FOXN2: variants seen among roughly 807,000 people sequenced by gnomAD.
FOXN2 encodes forkhead box protein N2.
FOXN2 carries 19 observed loss-of-function variants against 41.2 expected under a neutral mutation model. That is an observed-to-expected ratio of 0.46 (90% confidence interval 0.32 to 0.68). The LOEUF (loss-of-function observed/expected upper bound fraction) is 0.68. Among genes scored for constraint, FOXN2 ranks in the 30% least tolerant of loss-of-function variants. The pLI is 0.03. For missense variants in FOXN2, 587 were observed against 509.4 expected, an observed-to-expected ratio of 1.15 and a Z score of -1.47; for synonymous variants, 195 against 176.8, an observed-to-expected ratio of 1.10 and a Z score of -0.82.
In FOXN2 at chr2:48,377,651, A is replaced by G. The variant is rs1673334712; in HGVS notation, c.*2208A>G. ...ACTCTTCCCACGAATTTAAATGTTT[A>G]AGTTATATTCATCACTAGCAAGGAT... On this transcript the variant is annotated 3_prime_UTR_variant, in exon 7 of 7. Coordinates refer to ENST00000340553, the MANE Select transcript of FOXN2 (RefSeq NM_002158.4). The G allele has an allele frequency of 6.6e-6, 1 of 152,076 alleles. No individual in the cohort carries two copies. Among genetic ancestry groups the G allele is most frequent in the Non-Finnish European group, 1.5e-5 (1 of 67,926 alleles). The allele number at this position is 152,076 out of a possible 1,614,324, so 9.4% of individuals were successfully genotyped here.
At chr2:48,344,173 G>A (rs896520503) in intron 2 of FOXN2, among the ~76,000 whole-genome samples, 1 of 152,156 alleles carries the variant, frequency 6.6e-6, no homozygotes, top group African/African-American at 2.4e-5. Context: ...CATAGTACAG[G>A]ATATCAGTTC....
At chr2:48,335,904 T>C (rs190709668) in intron 2 of FOXN2, among the ~76,000 whole-genome samples, 35 of 151,888 alleles carry the variant, frequency 2.3e-4, no homozygotes, top group Non-Finnish European at 4.9e-4. Flanking sequence ...GGCAGGCGCC[T>C]ATAGTCCCAG....
chr2:48,347,056 T>G (rs1671151831), intron 3 of FOXN2, among the ~76,000 whole-genome samples: 1 of 152,120 alleles, frequency 6.6e-6, no homozygotes, highest in Non-Finnish European at 1.5e-5. Context: ...TTATTCAATA[T>G]GATAATCTCT....
chr2:48,356,402 C>G (rs551896866), intron 3 of FOXN2, among the ~76,000 whole-genome samples: 69 of 152,192 alleles, frequency 4.5e-4, no homozygotes, highest in African/African-American at 1.6e-3. Context: ...GATCGCGCCA[C>G]TGCACTCCAG....
chr2:48,359,607 C>CTTTTT (rs1021218228), intron 4 of FOXN2, among the ~76,000 whole-genome samples: 1 of 148,988 alleles, frequency 6.7e-6, no homozygotes, highest in African/African-American at 2.5e-5. Context: ...TTTTTCTTTT[C>CTTTTT]TTTTCTTTTC....
Position 48,336,381 on chromosome 2 carries a change from C to T in FOXN2, c.-15+7679C>T, listed in dbSNP as rs1235750328. On this transcript the variant is annotated intron_variant, in intron 2 of 6. Transcript: ENST00000340553. ...TGAGATTGTGCCACTGCACTCCAGC[C>T]TGGGTGACAGAGCAAGCCTCAGTTT... Among the ~76,000 whole-genome samples the T allele has an allele frequency of 4.7e-5, 7 of 147,664 alleles. No homozygotes were observed. The South Asian group carries it at 1.3e-3, about 27-fold the overall frequency.
chr2:48,339,853 A>T (rs543385717), intron 2 of FOXN2, among the ~76,000 whole-genome samples: 1 of 152,360 alleles, frequency 6.6e-6, no homozygotes, highest in African/African-American at 2.4e-5. Flanking sequence ...AGTACTTGTA[A>T]TAGCCCCAAA....
At chr2:48,333,991 A>G (rs2104256846) in intron 2 of FOXN2, among the ~76,000 whole-genome samples, 1 of 152,276 alleles carries the variant, frequency 6.6e-6, no homozygotes, top group South Asian at 2.1e-4. Context: ...TGCAGACCTG[A>G]ATAATCAGGT....
chr2:48,362,690 A>G lies in FOXN2; in HGVS notation c.686A>G (p.Gln229Arg), dbSNP rs1330753296. 3 of 1,613,894 alleles carry G rather than the reference A, an allele frequency of 1.9e-6. No homozygotes were observed. The highest frequency in any genetic ancestry group is 4.5e-5 in the East Asian group (2 of 44,890). ...HYLSSVIKQN[Q>R]VRNLKESDID... ...TTAAGCTCTGTAATCAAGCAGAACC[A>G]GGTGCGAAACCTCAAAGGTATGTGT... The change falls in exon 5 of 7, where the codon CAG becomes CGG. Residue 229 changes from glutamine to arginine, a missense_variant. By Grantham distance (43) the Gln-to-Arg change is conservative. Coordinates refer to ENST00000340553, the MANE Select transcript of FOXN2 (RefSeq NM_002158.4).
intron 1 of FOXN2, among the ~76,000 whole-genome samples, chr2:48,315,585 G>C (rs768560749): frequency 1.3e-5 from 2 of 152,250 alleles, no homozygotes; most frequent in Non-Finnish European, 2.9e-5. Context: ...TGAGAGGTCT[G>C]CGGTGGAAGA....
At chr2:48,313,848 TATTC>T (rs1668700987), upstream of FOXN2, among the ~76,000 whole-genome samples, 1 of 152,190 alleles carries the variant, frequency 6.6e-6, no homozygotes, top group Non-Finnish European at 1.5e-5. Context: ...CCAAACGGGA[TATTC>T]TTATATTTTT....
At chr2:48,325,942 A>AGG in intron 1 of FOXN2, among the ~76,000 whole-genome samples, 1 of 144,040 alleles carries the variant, frequency 6.9e-6, no homozygotes, top group African/African-American at 2.6e-5. Context: ...TGTGTCTCCC[A>AGG]GGTTCAGATG....
Position 48,378,299 on chromosome 2 carries a change from C to T in FOXN2, c.*2856C>T, listed in dbSNP as rs1267927023. On this transcript the variant is annotated 3_prime_UTR_variant, in exon 7 of 7. Transcript: ENST00000340553. ...AAAAGGTGGATCACCTCCCTTTTTC[C>T]ACCTTCAAGCCTTTCCTGTCCTCAT... is the stretch of plus-strand genomic sequence containing the variant. The T allele has an allele frequency of 1.3e-5, 2 of 152,042 alleles. No individual in the cohort carries two copies. Among genetic ancestry groups the T allele is most frequent in the Non-Finnish European group, 2.9e-5 (2 of 67,824 alleles). 9.4% of individuals were successfully genotyped at this position (152,042 alleles called of 1,614,324 possible).
At chr2:48,353,445 T>TA (rs2104419401) in intron 3 of FOXN2, among the ~76,000 whole-genome samples, 1 of 152,316 alleles carries the variant, frequency 6.6e-6, no homozygotes, top group South Asian at 2.1e-4. Flanking sequence ...TTCTGTTTGT[T>TA]ACCTTTATAA....
chr2:48,343,009 A>G (rs1172171156), intron 2 of FOXN2, among the ~76,000 whole-genome samples: 4 of 152,212 alleles, frequency 2.6e-5, no homozygotes, highest in Non-Finnish European at 4.4e-5. Context: ...TTATGAGAAA[A>G]TTTAGTCAAT....
chr2:48,338,470 CA>C (rs1266642134), intron 2 of FOXN2, among the ~76,000 whole-genome samples: 2 of 151,688 alleles, frequency 1.3e-5, no homozygotes, highest in East Asian at 3.9e-4. Flanking sequence ...GGCGCGATCT[CA>C]GCTCACTACA....
chr2:48,320,537 A>T (rs1302009341), intron 1 of FOXN2, among the ~76,000 whole-genome samples: 2 of 152,082 alleles, frequency 1.3e-5, no homozygotes, highest in East Asian at 3.9e-4. Context: ...TGATCTGCCC[A>T]CCTCGGCCTC....
rs980642000 is a variant in FOXN2 at position 48,358,879 on chromosome 2, GAATC to G, written c.538-167_538-164del. On this transcript the variant is annotated intron_variant, in intron 3 of 6. Coordinates refer to ENST00000340553, the MANE Select transcript of FOXN2 (RefSeq NM_002158.4). ...GAGGAAGTTTTGTACATCATAGGAT[GAATC>G]CCTTTTAGTCACTACAGTGCACACA... 3.8e-4 allele frequency among the ~76,000 whole-genome samples: 47 copies of G among 123,504 alleles called. 1 individual carries two copies. The highest frequency in any genetic ancestry group is 1.2e-3 in the African/African-American group (42 of 35,200). The allele number at this position is 123,504 out of a possible 152,430, so 81.0% of individuals were successfully genotyped here.
intron 1 of FOXN2, among the ~76,000 whole-genome samples, chr2:48,317,139 C>T (rs1668970887): frequency 6.6e-6 from 1 of 152,062 alleles, no homozygotes; most frequent in Non-Finnish European, 1.5e-5. Context: ...CCAGCCTGGG[C>T]AGTGTAGCCA....
Sources: allele counts gnomAD v4.1 joint callset (sites outside exome capture counted in the v4.1 genomes callset), GRCh38; gene constraint gnomAD v4.1.1; transcripts MANE v1.5; gene names NCBI Gene and HGNC (gene_info 2026-07-23, HGNC 2026-07-21).